Variants in ATP2C2 observed in about 807,000 individuals in gnomAD.
ATP2C2 encodes calcium-transporting ATPase type 2C member 2.
In ATP2C2, 171 loss-of-function variants were observed where a neutral mutation model predicts 110.8. The ratio of observed to expected loss-of-function variants is 1.54; its 90% CI spans 1.36 to 1.75. ATP2C2 has a LOEUF of 1.75. ATP2C2 is among the 40% of genes most tolerant of loss of function. The probability of loss-of-function intolerance (pLI) is 0.00; values close to 1 mark genes in which losing one functional copy is unlikely to be tolerated. For missense variants in ATP2C2, 1,963 were observed against 1,235.0 expected (o/e 1.59, Z -8.84); for synonymous variants, 804 against 508.4 (o/e 1.58, Z -7.82).
At chr16:84,433,967 C>G (rs923708391) in intron 11 of ATP2C2, among the ~76,000 whole-genome samples, 4 of 152,110 alleles carry the variant, frequency 2.6e-5, no homozygotes, top group African/African-American at 7.2e-5. Context: ...TCTCATTTGT[C>G]ATTTTGAAAG....
At position 84,422,453 on chromosome 16, in the gene ATP2C2, G is replaced by T; in HGVS notation, c.688G>T (p.Asp230Tyr). Residue 230 changes from aspartate (D) to tyrosine (Y), a missense_variant, in exon 8 of 27, where the codon GAC (aspartate) becomes TAC (tyrosine). Coordinates refer to ENST00000262429, the MANE Select transcript of ATP2C2 (RefSeq NM_014861.4). ...TGEAEPCSKT[D>Y]SPLTGGGDLT... ...GGAAGCCGAGCCATGTAGTAAAACA[G>T]ACAGCCCCTTGACAGGCGGTGGGGA... The T allele has an allele frequency of 6.2e-7, 1 of 1,613,688 alleles. No individual in the cohort carries two copies. Among genetic ancestry groups the T allele is most frequent in the Non-Finnish European group, 8.5e-7 (1 of 1,180,022 alleles).
intron 1 of ATP2C2, among the ~76,000 whole-genome samples, chr16:84,397,655 C>CAAAAAATAAAAAAAAAAA (rs1905070922): frequency 1.6e-5 from 1 of 63,512 alleles, no homozygotes; most frequent in Non-Finnish European, 3.5e-5. Flanking sequence ...GCCTGGGTGA[C>CAAAAAATAAAAAAAAAAA]AAAAAAAAAA....
At chr16:84,447,982 G>A (rs1036851748) in intron 16 of ATP2C2, among the ~76,000 whole-genome samples, 1 of 151,824 alleles carries the variant, frequency 6.6e-6, no homozygotes, top group Non-Finnish European at 1.5e-5. Flanking sequence ...TGAGGCTAGG[G>A]GTACAGTGTG....
At chr16:84,446,544 C>T (rs951712816) in intron 16 of ATP2C2, 114 bp downstream of exon 16, 42 of 632,618 alleles carry the variant, frequency 6.6e-5, no homozygotes, top group African/African-American at 2.7e-4. Flanking sequence ...GCTTCTGTGA[C>T]GTTCCAAATA....
At chr16:84,456,520 G>A (rs1470212069) in intron 21 of ATP2C2, among the ~76,000 whole-genome samples, 2 of 124,176 alleles carry the variant, frequency 1.6e-5, no homozygotes, top group Non-Finnish European at 1.7e-5. Context: ...GGAAATAAAG[G>A]GTATTCAATT....
Position 84,398,520 on chromosome 16 carries a change from A to C in ATP2C2, c.121A>C (p.Lys41Gln). 6.2e-7 allele frequency: 1 copy of C among 1,612,876 alleles called. No homozygotes were observed. Among genetic ancestry groups the C allele is most frequent in the Non-Finnish European group, 8.5e-7 (1 of 1,179,602 alleles). Residue 41 changes from lysine to glutamine, a missense_variant, in exon 2 of 27, where the codon AAA becomes CAA. Lys to Gln is a moderately conservative substitution (Grantham distance 53). Transcript: ENST00000262429. ...ACAGATTGATGAACAGAGTGAGCTGAAAGCCATCGAGAAAGAGAAGAAGGT... is the reference window on the plus strand; with the variant it reads ...ACAGATTGATGAACAGAGTGAGCTGCAAGCCATCGAGAAAGAGAAGAAGGT... ...EALIDEQSEL[K>Q]AIEKEKKVTA...
At chr16:84,459,212 G>C (rs952029698) in intron 22 of ATP2C2, 24 bp downstream of exon 22, 6 of 1,614,224 alleles carry the variant, frequency 3.7e-6, no homozygotes, top group Non-Finnish European at 5.1e-6. Flanking sequence ...AGCATTCCGA[G>C]TGTCATTAAG....
In ATP2C2 at chr16:84,415,553, A is replaced by C. The variant is rs1476435065; in HGVS notation, c.586A>C (p.Ile196Leu). ...TCCTGGTGATGTCGTATCTCTCTCG[A>C]TCGGAGACCGGATCCCTGCAGACAT... The part of the protein sequence containing the change: ...LVPGDVVSLS[I>L]GDRIPADIRL... The change falls in exon 7 of 27, where the codon ATC becomes CTC. Residue 196 changes from isoleucine to leucine, a missense_variant. Coordinates refer to ENST00000262429, the MANE Select transcript of ATP2C2 (RefSeq NM_014861.4). The C allele has an allele frequency of 1.9e-6, 3 of 1,613,984 alleles. No homozygotes were observed. The highest frequency in any genetic ancestry group is 1.7e-6 in the Non-Finnish European group (2 of 1,180,008).
rs115921603 is a variant in ATP2C2, at chr16:84,444,902, G to C, written c.1402-1427G>C. Among the ~76,000 whole-genome samples, 319 of 152,360 alleles carry C rather than the reference G, an allele frequency of 2.1e-3. 4 individuals carry two copies. Among genetic ancestry groups the C allele is most frequent in the African/African-American group, 7.4e-3 (307 of 41,592 alleles). The stretch of plus-strand genomic sequence containing the variant: ...TGTCTCACCTGCTCTAAATGGCACT[G>C]AGGCCAGGCCAGTGGTTCCCGGGCT... On this transcript the variant is annotated intron_variant, in intron 15 of 26. Coordinates refer to ENST00000262429, the MANE Select transcript of ATP2C2 (RefSeq NM_014861.4).
intron 21 of ATP2C2, 127 bp from the exon 22 acceptor site, chr16:84,458,993 G>C: frequency 9.8e-7 from 1 of 1,016,708 alleles, no homozygotes; most frequent in Non-Finnish European, 1.5e-6. Flanking sequence ...CCAGCAAGGG[G>C]AACCAGCAGG....
chr16:84,458,867 G>C (rs924613684), intron 21 of ATP2C2, among the ~76,000 whole-genome samples: 5 of 152,198 alleles, frequency 3.3e-5, no homozygotes, highest in Admixed American at 2.6e-4. Context: ...TCTGATTGGA[G>C]GCATCAGGTG....
chr16:84,412,334 CTGTA>C (rs1391950906), intron 6 of ATP2C2, among the ~76,000 whole-genome samples: 18 of 127,874 alleles, frequency 1.4e-4, no homozygotes, highest in African/African-American at 4.4e-4. Flanking sequence ...GCGTGTGTGT[CTGTA>C]TGCGTGTGTC....
At chr16:84,459,931 T>C in intron 23 of ATP2C2, 1 of 272,086 alleles carries the variant, frequency 3.7e-6, no homozygotes, top group Non-Finnish European at 7.2e-6. Flanking sequence ...TAATATCCCC[T>C]TCAACAAGCT....
At chr16:84,377,572 G>T (rs1910321357) in intron 1 of ATP2C2, among the ~76,000 whole-genome samples, 1 of 152,002 alleles carries the variant, frequency 6.6e-6, no homozygotes, top group African/African-American at 2.4e-5. Context: ...GCATGGCTGT[G>T]TCCTAATCTC....
At chr16:84,382,366 T>C (rs1350974604) in intron 1 of ATP2C2, among the ~76,000 whole-genome samples, 1 of 152,230 alleles carries the variant, frequency 6.6e-6, no homozygotes, top group Non-Finnish European at 1.5e-5. Context: ...GTGCTACATT[T>C]TCTTTATCCA....
intron 6 of ATP2C2, chr16:84,411,054 A>T: frequency 2.0e-6 from 1 of 497,800 alleles, no homozygotes; most frequent in East Asian, 3.8e-5. Context: ...GTAGCCCACA[A>T]AGCCTGTGAA....
chr16:84,445,025 GCT>G, intron 15 of ATP2C2, among the ~76,000 whole-genome samples: 1 of 152,210 alleles, frequency 6.6e-6, no homozygotes, highest in Admixed American at 6.5e-5. Context: ...CTGAAACACA[GCT>G]CTGTGGCCAG....
intron 1 of ATP2C2, among the ~76,000 whole-genome samples, chr16:84,393,444 A>G (rs766843993): frequency 6.6e-6 from 1 of 151,976 alleles, no homozygotes; most frequent in Non-Finnish European, 1.5e-5. Flanking sequence ...CCTCACTTAC[A>G]ATGTATTGGG....
At chr16:84,370,547 G>A (rs1909893256) in intron 1 of ATP2C2, among the ~76,000 whole-genome samples, 1 of 152,198 alleles carries the variant, frequency 6.6e-6, no homozygotes, top group African/African-American at 2.4e-5. Flanking sequence ...TTCCTGCCAG[G>A]TTGGCTCAGA....
Sources: gnomAD v4.1 joint callset for allele counts (sites outside exome capture counted in the v4.1 genomes callset) on GRCh38, gnomAD v4.1.1 for gene constraint, MANE v1.5 for transcripts, NCBI Gene and HGNC (gene_info 2026-07-23, HGNC 2026-07-21) for gene names.